The following DMD variants were observed in gnomAD, a reference collection of about 807,000 sequenced individuals.
The protein encoded by DMD is mutant dystrophin.
Under a neutral mutation model 330.1 loss-of-function variants are expected in DMD, and 63 were observed. The ratio of observed to expected loss-of-function variants is 0.19; its 90% CI spans 0.16 to 0.24. The LOEUF (loss-of-function observed/expected upper bound fraction) is 0.24, where lower values mean the gene tolerates loss of function less well. DMD is among the 10% of genes least tolerant of loss of function. The probability of loss-of-function intolerance (pLI) is 1.00; values close to 1 mark genes in which losing one functional copy is unlikely to be tolerated. For missense variants in DMD, 3,344 were observed against 2,684.1 expected (o/e 1.25, Z -5.43); for synonymous variants, 1,223 against 959.8 (o/e 1.27, Z -5.07).
intron 1 of DMD, among the ~76,000 whole-genome samples, chrX:33,244,956 A>T (rs1184887139): frequency 8.9e-6 from 1 of 111,996 alleles, no homozygotes; most frequent in African/African-American, 3.2e-5. Flanking sequence ...TAACTTTTCT[A>T]AGTGTATCAT....
intron 44 of DMD, among the ~76,000 whole-genome samples, chrX:32,081,838 G>A (rs1275059516): frequency 9.1e-6 from 1 of 110,018 alleles, no homozygotes; most frequent in Non-Finnish European, 1.9e-5. Context: ...TGGACAACGA[G>A]AGCAAAATTC....
At chrX:32,784,017 A>G (rs1002588969) in intron 7 of DMD, among the ~76,000 whole-genome samples, 1 of 106,725 alleles carries the variant, frequency 9.4e-6, no homozygotes, top group East Asian at 2.9e-4. Context: ...GGGGGGGGGA[A>G]ATACACACCT....
intron 2 of DMD, among the ~76,000 whole-genome samples, chrX:32,993,221 T>C (rs1021855164): frequency 8.9e-6 from 1 of 112,192 alleles, no homozygotes; most frequent in African/African-American, 3.2e-5. Flanking sequence ...TTTGAGCAAG[T>C]CATTTAGACA....
intron 15 of DMD, among the ~76,000 whole-genome samples, chrX:32,567,464 C>G (rs1428902869): frequency 2.7e-5 from 3 of 111,882 alleles, no homozygotes; most frequent in African/African-American, 9.7e-5. Context: ...GTGGCATGAT[C>G]TCTGCTCACT....
chrX:31,428,963 T>A (rs1404333604), intron 60 of DMD, among the ~76,000 whole-genome samples: 3 of 108,275 alleles, frequency 2.8e-5, no homozygotes, highest in African/African-American at 1.0e-4. Context: ...CTACTAAAAA[T>A]AAAAAAAAAC....
At chrX:31,987,538 A>G (rs986416488) in intron 44 of DMD, among the ~76,000 whole-genome samples, 1 of 112,142 alleles carries the variant, frequency 8.9e-6, no homozygotes, top group Non-Finnish European at 1.9e-5. Context: ...ATGAATGAGA[A>G]CAAGCTGCAT....
chrX:33,138,221 G>A (rs1377105820), intron 1 of DMD, among the ~76,000 whole-genome samples: 3 of 111,694 alleles, frequency 2.7e-5, no homozygotes, highest in Non-Finnish European at 5.6e-5. Context: ...TTAAACATCT[G>A]TCTATATTGT....
chrX:31,147,246 G>A, intron 75 of DMD, 29 bp downstream of exon 75: 1 of 1,210,452 alleles, frequency 8.3e-7, no homozygotes, highest in Non-Finnish European at 1.1e-6. Context: ...AAAAATGAAT[G>A]TTTGTAAAAA....
intron 2 of DMD, among the ~76,000 whole-genome samples, chrX:32,963,419 ATGCCAATG>A (rs1193360769): frequency 9.4e-4 from 105 of 112,193 alleles, no homozygotes; most frequent in Non-Finnish European, 1.7e-3. Context: ...AGTCTTGATG[ATGCCAATG>A]CTAGGCATCC....
chrX:32,317,775 G>T (rs1269104376), intron 41 of DMD, among the ~76,000 whole-genome samples: 2 of 108,678 alleles, frequency 1.8e-5, no homozygotes, highest in Non-Finnish European at 3.8e-5. Context: ...ATATATCAAT[G>T]CATCAAAAGT....
intron 7 of DMD, among the ~76,000 whole-genome samples, chrX:32,720,130 G>C (rs990148336): frequency 9.0e-6 from 1 of 111,280 alleles, no homozygotes. Flanking sequence ...CTCAACACTC[G>C]TAACACCTAT....
At chrX:32,819,725 T>A (rs1213309143) in intron 5 of DMD, among the ~76,000 whole-genome samples, 1 of 109,840 alleles carries the variant, frequency 9.1e-6, no homozygotes, top group Non-Finnish European at 1.9e-5. Context: ...GTTCTATCTG[T>A]AAATGCCGCT....
Position 31,388,409 on chromosome X carries a change from A to T in DMD, c.9085-39775T>A, listed in dbSNP as rs975187792. The stretch of plus-strand genomic sequence containing the variant: ...TAAAATGGCGCCTGGCATATAACAG[A>T]CCCACAATAGATATTAATTGAATGA... On this transcript the variant is annotated intron_variant, in intron 60 of 78. Transcript: ENST00000357033. 2.7e-5 allele frequency among the ~76,000 whole-genome samples: 3 copies of T among 111,209 alleles called. 1 individual carries two copies.
intron 18 of DMD, chrX:32,517,689 G>C (rs1466163978): frequency 5.6e-6 from 2 of 356,348 alleles, no homozygotes; most frequent in African/African-American, 5.2e-5. Context: ...CTAAGGCCTA[G>C]CCTTGAGGTA....
chrX:32,020,673 C>G (rs1426014901), intron 44 of DMD, among the ~76,000 whole-genome samples: 2 of 112,129 alleles, frequency 1.8e-5, no homozygotes, highest in Non-Finnish European at 3.8e-5. Context: ...TAATCTTAGA[C>G]GTTCAACTTC....
intron 1 of DMD, among the ~76,000 whole-genome samples, chrX:33,176,113 A>T (rs1274034012): frequency 9.0e-6 from 1 of 111,501 alleles, no homozygotes; most frequent in Non-Finnish European, 1.9e-5. Flanking sequence ...ACAAAGGGTA[A>T]CAATAACAGC....
chrX:31,272,128 A>G (rs2051682198), intron 62 of DMD, among the ~76,000 whole-genome samples: 1 of 111,764 alleles, frequency 8.9e-6, no homozygotes, highest in African/African-American at 3.3e-5. Flanking sequence ...CAGGTTCCAG[A>G]TAAAGTCGAG....
intron 44 of DMD, among the ~76,000 whole-genome samples, chrX:32,091,893 T>C (rs2096477478): frequency 9.0e-6 from 1 of 111,651 alleles, no homozygotes; most frequent in Non-Finnish European, 1.9e-5. Flanking sequence ...GGCATAACTG[T>C]CTTAAAAAGA....
intron 17 of DMD, among the ~76,000 whole-genome samples, chrX:32,542,741 G>A (rs2048601863): frequency 8.9e-6 from 1 of 112,057 alleles, no homozygotes; most frequent in African/African-American, 3.2e-5. Context: ...CCACCCTGTA[G>A]ACAATTATCA....
Sources: gnomAD v4.1 joint callset for allele counts (sites outside exome capture counted in the v4.1 genomes callset) on GRCh38, gnomAD v4.1.1 for gene constraint, MANE v1.5 for transcripts, NCBI Gene and HGNC (gene_info 2026-07-23, HGNC 2026-07-21) for gene names.